Variants in DNAH3 observed in about 807,000 individuals in gnomAD.
DNAH3 encodes axonemal beta dynein heavy chain 3.
A neutral mutation model predicts 432.5 loss-of-function variants in DNAH3; 332 were observed. The ratio of observed to expected loss-of-function variants is 0.77; its 90% CI spans 0.70 to 0.84. The LOEUF (loss-of-function observed/expected upper bound fraction) is 0.84, where lower values mean the gene tolerates loss of function less well. Ranked by LOEUF, DNAH3 falls within the 40% of genes least tolerant of loss-of-function variation. DNAH3 has a pLI of 0.00. For synonymous variants in DNAH3, 1,956 were observed against 1,900.2 expected, an observed-to-expected ratio of 1.03 and a Z score of -0.76; for missense variants, 4,861 against 5,114.0, an observed-to-expected ratio of 0.95 and a Z score of 1.51.
In DNAH3 at chr16:21,014,386, C is replaced by T. The variant is rs540327695; in HGVS notation, c.6022+5238G>A. ...ATCACGTTAATAGATTCAGAAAAAG[C>T]ATTTGACAAAATCCAACATCCACTC... On this transcript the variant is annotated intron_variant, in intron 41 of 61. Transcript: ENST00000261383. Among the ~76,000 whole-genome samples, 16 of 152,186 alleles carry T rather than the reference C, an allele frequency of 1.1e-4. No individual in the cohort carries two copies. The South Asian group carries it at 1.5e-3, about 14-fold the overall frequency.
At chr16:21,063,499 A>ATTATT (rs1425580470) in intron 24 of DNAH3, among the ~76,000 whole-genome samples, 1 of 148,102 alleles carries the variant, frequency 6.8e-6, no homozygotes, top group Non-Finnish European at 1.5e-5. Flanking sequence ...ATTTTATTTT[A>ATTATT]TTATTTTATA....
rs557788426 is a variant in DNAH3 at position 20,964,629 on chromosome 16, G to A, written c.9255C>T (p.His3085=). The stretch of plus-strand genomic sequence containing the variant: ...TCTTAATCCATTTATTGGCCTGCCC[G>A]TGAGGGTCAATCATTAAGGCCCAGC... The change falls in exon 53 of 62, where the codon CAC becomes CAT. Residue 3085 remains histidine, a synonymous_variant. Transcript: ENST00000261383. 169 of 1,614,132 alleles carry A rather than the reference G, an allele frequency of 1.0e-4. 1 individual carries two copies. Among genetic ancestry groups the A allele is most frequent in the South Asian group, 3.4e-4 (31 of 91,076 alleles).
intron 10 of DNAH3, chr16:21,121,100 C>T (rs1439577609): frequency 1.5e-5 from 9 of 611,146 alleles, no homozygotes; most frequent in African/African-American, 5.4e-5. Flanking sequence ...ATACATAATG[C>T]ATGGAGAGAG....
chr16:20,989,552 A>C (rs1342458326), intron 44 of DNAH3, among the ~76,000 whole-genome samples: 2 of 152,266 alleles, frequency 1.3e-5, no homozygotes, highest in African/African-American at 4.8e-5. Context: ...CCAAGTCCCC[A>C]CCAGACTCAG....
intron 7 of DNAH3, chr16:21,130,161 A>T (rs2092529465): frequency 6.6e-6 from 1 of 151,616 alleles, no homozygotes; most frequent in South Asian, 2.1e-4. Context: ...TTTGGACCTA[A>T]TATATATTTA....
exon 53 of DNAH3, chr16:20,964,835 G>T: frequency 6.2e-7 from 1 of 1,614,102 alleles, no homozygotes; most frequent in Non-Finnish European, 8.5e-7. Context: ...CACTGGACCC[G>T]ATAATCCACT....
intron 61 of DNAH3, among the ~76,000 whole-genome samples, chr16:20,934,380 C>T (rs778820652): frequency 4.6e-5 from 7 of 152,126 alleles, no homozygotes; most frequent in Non-Finnish European, 1.0e-4. Context: ...ATATTGTAAG[C>T]CAAAACTGCA....
In DNAH3 at chr16:20,985,436, CT is replaced by C; in HGVS notation, c.7305del (p.Ile2435MetfsTer16). The stretch of plus-strand genomic sequence containing the variant: ...GCGGCACTTTGCCGCCCGCTGCCCC[CT>C]ATGCCCACCAGGAGCAGGTGGCCTT... On this transcript the variant is annotated frameshift_variant, in exon 48 of 62. Coordinates refer to ENST00000261383, the Ensembl canonical transcript of DNAH3. LOFTEE classifies it high-confidence loss of function. 9 of 1,614,212 alleles carry C rather than the reference CT, an allele frequency of 5.6e-6. No homozygotes were observed. Among genetic ancestry groups the C allele is most frequent in the African/African-American group, 1.3e-5 (1 of 75,062 alleles).
chr16:21,152,827 C>G (rs1334173176), intron 1 of DNAH3, among the ~76,000 whole-genome samples: 1 of 152,270 alleles, frequency 6.6e-6, no homozygotes, highest in Non-Finnish European at 1.5e-5. Flanking sequence ...CCTTAGCTGC[C>G]TTCCCGCGGG....
At chr16:20,967,080 C>A (rs2085097895) in intron 52 of DNAH3, among the ~76,000 whole-genome samples, 1 of 152,188 alleles carries the variant, frequency 6.6e-6, no homozygotes, top group South Asian at 2.1e-4. Context: ...TGAGACATCA[C>A]ATTGAGTACA....
At chr16:20,999,236 C>T (rs967075206) in intron 43 of DNAH3, among the ~76,000 whole-genome samples, 2 of 152,124 alleles carry the variant, frequency 1.3e-5, no homozygotes, top group Non-Finnish European at 2.9e-5. Flanking sequence ...GCCTGGGTAA[C>T]AGAGTGAGAC....
At chr16:21,070,153 T>C (rs1457859073) in intron 22 of DNAH3, among the ~76,000 whole-genome samples, 1 of 152,166 alleles carries the variant, frequency 6.6e-6, no homozygotes, top group East Asian at 1.9e-4. Flanking sequence ...ATAAGATGCT[T>C]CCCAAATGCA....
exon 29 of DNAH3, chr16:21,051,804 G>A (rs759016121): frequency 1.2e-6 from 2 of 1,614,028 alleles, no homozygotes; most frequent in South Asian, 1.1e-5. Context: ...GCAGCTGTGA[G>A]ATCCATTGGA....
rs776049405 is a variant in DNAH3 at position 20,936,814 on chromosome 16, G to T, written c.11694C>A (p.Gly3898=). 4 of 1,613,094 alleles carry T rather than the reference G, an allele frequency of 2.5e-6. No homozygotes were observed. The East Asian group carries it at 8.9e-5, about 36-fold the overall frequency. The change falls in exon 60 of 62, where the codon GGC becomes GGA. Residue 3898 remains glycine, a synonymous_variant. Coordinates refer to ENST00000261383, the Ensembl canonical transcript of DNAH3. ...TCAGGACCTGTCCTTTGATGGCTCG[G>T]CCAAGATTGATGAGGCTCCTCCGAA...
At chr16:21,145,948 C>A (rs770397879) in intron 2 of DNAH3, 36 bp downstream of exon 3, 56 of 1,367,030 alleles carry the variant, frequency 4.1e-5, no homozygotes, top group Non-Finnish European at 4.9e-5. Flanking sequence ...CACCTCCTCA[C>A]CCTCAACAGA....
chr16:21,015,049 C>T (rs1453668148), intron 41 of DNAH3, among the ~76,000 whole-genome samples: 1 of 152,090 alleles, frequency 6.6e-6, no homozygotes, highest in Non-Finnish European at 1.5e-5. Flanking sequence ...TAACATTATC[C>T]AGCAATAGCA....
intron 16 of DNAH3, 100 bp downstream of exon 16, chr16:21,104,371 T>C: frequency 2.0e-6 from 2 of 986,262 alleles, no homozygotes; most frequent in East Asian, 2.4e-5. Context: ...CACGTTGCCA[T>C]GGAGTGAGCT....
At chr16:20,966,971 C>T (rs1333341436) in intron 52 of DNAH3, among the ~76,000 whole-genome samples, 1 of 152,148 alleles carries the variant, frequency 6.6e-6, no homozygotes, top group Non-Finnish European at 1.5e-5. Context: ...AATCCCATCC[C>T]GGAACAATGC....
intron 21 of DNAH3, among the ~76,000 whole-genome samples, chr16:21,074,136 C>G (rs1321993890): frequency 1.3e-5 from 2 of 152,266 alleles, no homozygotes; most frequent in East Asian, 1.9e-4. Context: ...AGGGATCACA[C>G]CTTTTCACCC....
Sources: gnomAD v4.1 joint callset for allele counts (sites outside exome capture counted in the v4.1 genomes callset) on GRCh38, gnomAD v4.1.1 for gene constraint, MANE v1.5 for transcripts, NCBI Gene and HGNC (gene_info 2026-07-23, HGNC 2026-07-21) for gene names.